SYNPO2: variants seen among roughly 807,000 people sequenced by gnomAD.
The protein encoded by SYNPO2 is synaptopodin 2.
A neutral mutation model predicts 85.0 loss-of-function variants in SYNPO2; 56 were observed. The observed-to-expected ratio is 0.66, with a 90% CI of 0.53 to 0.82. The LOEUF (loss-of-function observed/expected upper bound fraction) is 0.82. Ranked by LOEUF, SYNPO2 falls within the 40% of genes least tolerant of loss-of-function variation. The pLI is 0.00. For synonymous variants in SYNPO2, 602 were observed against 591.1 expected (o/e 1.02, Z -0.27); for missense variants, 1,575 against 1,534.2 (o/e 1.03, Z -0.44).
chr4:119,010,631 G>GCTATGCA (rs979566208), intron 1 of SYNPO2, among the ~76,000 whole-genome samples: 1 of 152,158 alleles, frequency 6.6e-6, no homozygotes, highest in Non-Finnish European at 1.5e-5. Context: ...TGTGCTATGT[G>GCTATGCA]CTATGCACTT....
Position 119,059,882 on chromosome 4 carries a change from G to T in SYNPO2, c.*1948G>T, listed in dbSNP as rs534051852. On this transcript the variant is annotated 3_prime_UTR_variant, in exon 5 of 5. Coordinates refer to ENST00000307142, the MANE Select transcript of SYNPO2 (RefSeq NM_133477.3). ...TGTTAAATTATCTTAAATTATCAAG[G>T]TGTAAGATGTAATGATCCCAAGAGT... 3 of 152,194 alleles carry T rather than the reference G, an allele frequency of 2.0e-5. No homozygotes were observed. Among genetic ancestry groups the T allele is most frequent in the South Asian group, 2.1e-4 (1 of 4,820 alleles). 9.4% of individuals were successfully genotyped at this position (152,194 alleles called of 1,614,324 possible).
intron 1 of SYNPO2, among the ~76,000 whole-genome samples, chr4:118,890,735 G>T (rs200407147): frequency 1.7e-5 from 1 of 57,984 alleles, no homozygotes; most frequent in Admixed American, 1.9e-4. Context: ...CTCTCTCTCT[G>T]TGTGTGTGTG....
At chr4:118,979,873 A>G (rs1398310612) in intron 1 of SYNPO2, among the ~76,000 whole-genome samples, 2 of 152,220 alleles carry the variant, frequency 1.3e-5, no homozygotes, top group Non-Finnish European at 2.9e-5. Context: ...GCATACTTGA[A>G]CTAAAAAGAG....
In SYNPO2 at chr4:119,014,533, G is replaced by A. The variant is rs901162359; in HGVS notation, c.106-8897G>A. Among the ~76,000 whole-genome samples the A allele has an allele frequency of 1.1e-3, 164 of 152,234 alleles. 1 individual carries two copies. The highest frequency in any genetic ancestry group is 3.9e-3 in the African/African-American group (161 of 41,534). On this transcript the variant is annotated intron_variant, in intron 1 of 4. Transcript: ENST00000307142. ...AAAAAAGTACTTATGTTAACATGCAGTAGGTTTGCTATTTTAAATTTAATA... is the reference window on the plus strand; with the variant it reads ...AAAAAAGTACTTATGTTAACATGCAATAGGTTTGCTATTTTAAATTTAATA...
rs75590413 is a variant in SYNPO2, at chr4:119,020,659, C to A, written c.106-2771C>A. 3.0e-4 allele frequency among the ~76,000 whole-genome samples: 46 copies of A among 152,182 alleles called. No homozygotes were observed. In the East Asian group the frequency reaches 8.1e-3, roughly 27 times the overall value. On this transcript the variant is annotated intron_variant, in intron 1 of 4. Coordinates refer to ENST00000307142, the MANE Select transcript of SYNPO2 (RefSeq NM_133477.3). ...CTTTGGTCCTCCAAAGGATGATGTTCTGTTCGAATCCTGGTATATCTGACT... is the reference window on the plus strand; with the variant it reads ...CTTTGGTCCTCCAAAGGATGATGTTATGTTCGAATCCTGGTATATCTGACT...
intron 1 of SYNPO2, among the ~76,000 whole-genome samples, chr4:118,919,340 A>G (rs1394244657): frequency 6.6e-6 from 1 of 152,134 alleles, no homozygotes; most frequent in African/African-American, 2.4e-5. Context: ...ACCTCTTTGT[A>G]GTCACTGTAC....
At chr4:119,053,064 C>T (rs1328283688) in intron 4 of SYNPO2, among the ~76,000 whole-genome samples, 2 of 152,198 alleles carry the variant, frequency 1.3e-5, no homozygotes, top group Admixed American at 1.3e-4. Flanking sequence ...CAGCGTCAGA[C>T]ATTCAAACTC....
intron 4 of SYNPO2, among the ~76,000 whole-genome samples, chr4:119,050,346 G>A (rs559487888): frequency 1.3e-5 from 2 of 151,310 alleles, no homozygotes; most frequent in East Asian, 3.9e-4. Flanking sequence ...AAAAAAAAAA[G>A]ATATTCTCTC....
chr4:118,997,293 T>C (rs17050190), intron 1 of SYNPO2, among the ~76,000 whole-genome samples: 7,686 of 151,302 alleles, frequency 0.051, 651 homozygotes, highest in African/African-American at 0.18. Flanking sequence ...GAAACATTGA[T>C]TGACTGGCTG....
chr4:118,884,606 A>G (rs577766490), upstream of SYNPO2, among the ~76,000 whole-genome samples: 1 of 152,304 alleles, frequency 6.6e-6, no homozygotes, highest in Non-Finnish European at 1.5e-5. Context: ...AATGTTAGGG[A>G]GGTGGCCACT....
At chr4:119,040,735 A>T (rs754917792) in intron 4 of SYNPO2, among the ~76,000 whole-genome samples, 20 of 152,328 alleles carry the variant, frequency 1.3e-4, no homozygotes, top group Admixed American at 8.5e-4. Context: ...GTTGAAGCTT[A>T]AATAGGCCTA....
At chr4:118,900,691 CTCTCTCTCTCTCTA>C (rs1334142376) in intron 1 of SYNPO2, among the ~76,000 whole-genome samples, 589 of 51,306 alleles carry the variant, frequency 0.011, 3 homozygotes, top group African/African-American at 0.035. Context: ...CTCTCTCTCT[CTCTCTCTCTCTCTA>C]TATATATATA....
At chr4:118,981,241 G>A (rs1735997359) in intron 1 of SYNPO2, among the ~76,000 whole-genome samples, 1 of 152,184 alleles carries the variant, frequency 6.6e-6, no homozygotes, top group Non-Finnish European at 1.5e-5. Flanking sequence ...TTTGTTCCAG[G>A]ATGGGCTCTC....
At chr4:118,865,278 T>C (rs1433529496) in intron 1 of SYNPO2, among the ~76,000 whole-genome samples, 3 of 152,234 alleles carry the variant, frequency 2.0e-5, no homozygotes, top group Non-Finnish European at 4.4e-5. Flanking sequence ...CTCCTCTCTC[T>C]GTTCTGGCAA....
At chr4:118,875,540 A>G (rs186465490) in intron 1 of SYNPO2, among the ~76,000 whole-genome samples, 1 of 152,300 alleles carries the variant, frequency 6.6e-6, no homozygotes, top group Admixed American at 6.5e-5. Flanking sequence ...ATTTCTCCTA[A>G]TAGCCATAAA....
chr4:119,058,448 A>G lies in SYNPO2; in HGVS notation c.*514A>G, dbSNP rs1739289928. Reference sequence around the variant, plus strand: ...TTATAAAAATATTTTCCTTGGTGTTAAGTATTTCTCTGCAACTTTTTTTTT... The same window carrying G: ...TTATAAAAATATTTTCCTTGGTGTTGAGTATTTCTCTGCAACTTTTTTTTT... On this transcript the variant is annotated 3_prime_UTR_variant, in exon 5 of 5. Coordinates refer to ENST00000307142, the MANE Select transcript of SYNPO2 (RefSeq NM_133477.3). 3 of 149,940 alleles carry G rather than the reference A, an allele frequency of 2.0e-5. No individual in the cohort carries two copies. The highest frequency in any genetic ancestry group is 6.7e-5 in the Admixed American group (1 of 14,840). The allele number at this position is 149,940 out of a possible 1,614,324, so 9.3% of individuals were successfully genotyped here.
chr4:118,876,034 A>G (rs1560811743), intron 1 of SYNPO2, among the ~76,000 whole-genome samples: 1 of 152,216 alleles, frequency 6.6e-6, no homozygotes, highest in Non-Finnish European at 1.5e-5. Flanking sequence ...AGAGTTGACA[A>G]AAATCTTAAC....
intron 1 of SYNPO2, among the ~76,000 whole-genome samples, chr4:118,858,340 G>T (rs909492289): frequency 1.3e-5 from 2 of 152,128 alleles, no homozygotes; most frequent in African/African-American, 4.8e-5. Flanking sequence ...CAGACTAAGA[G>T]AATTATAAAA....
chr4:118,961,343 G>A (rs956953200), intron 1 of SYNPO2, among the ~76,000 whole-genome samples: 5 of 152,008 alleles, frequency 3.3e-5, no homozygotes, highest in African/African-American at 9.7e-5. Flanking sequence ...CCTCATCTCT[G>A]GCTTTTCCTC....
Sources: allele counts gnomAD v4.1 joint callset (sites outside exome capture counted in the v4.1 genomes callset), GRCh38; gene constraint gnomAD v4.1.1; transcripts MANE v1.5; gene names NCBI Gene and HGNC (gene_info 2026-07-23, HGNC 2026-07-21).